Variants in CCDC178 observed in about 807,000 individuals in gnomAD.
The protein encoded by CCDC178 is coiled-coil domain containing 178, also known as coiled-coil domain-containing protein 178.
A neutral mutation model predicts 117.4 loss-of-function variants in CCDC178; 126 were observed. That is an observed-to-expected ratio of 1.07 (90% CI 0.93 to 1.24). The LOEUF (loss-of-function observed/expected upper bound fraction) is 1.24, where lower values mean the gene tolerates loss of function less well. Among genes scored for constraint, CCDC178 ranks in the 50% most tolerant of loss-of-function variants. The pLI is 0.00. For synonymous variants in CCDC178, 283 were observed against 313.4 expected, an observed-to-expected ratio of 0.90 and a Z score of 1.02; for missense variants, 1,030 against 986.9, an observed-to-expected ratio of 1.04 and a Z score of -0.59.
In CCDC178 at chr18:33,279,042, C is replaced by T. The variant is rs532868889; in HGVS notation, c.1177-11745G>A. 5.8e-3 allele frequency among the ~76,000 whole-genome samples: 888 copies of T among 152,122 alleles called. 6 individuals carry two copies. The highest frequency in any genetic ancestry group is 0.02 in the African/African-American group (846 of 41,468). ...TGGAAGCATTCCCTTTGAAAACTGG[C>T]ACAAGACAGGGATGCCCTCACTCAC... On this transcript the variant is annotated intron_variant, in intron 12 of 22. Transcript: ENST00000383096.
chr18:33,007,695 T>C (rs1483762336), intron 21 of CCDC178, among the ~76,000 whole-genome samples: 3 of 152,122 alleles, frequency 2.0e-5, no homozygotes, highest in African/African-American at 7.2e-5. Context: ...TACATACAAA[T>C]CAAGGCTATT....
At chr18:33,111,625 C>A (rs273038) in intron 20 of CCDC178, among the ~76,000 whole-genome samples, 1 of 151,522 alleles carries the variant, frequency 6.6e-6, no homozygotes. Flanking sequence ...CCATGGATAA[C>A]AGAAAAATAA....
intron 21 of CCDC178, among the ~76,000 whole-genome samples, chr18:33,000,530 C>T (rs181881425): frequency 2.0e-5 from 3 of 152,178 alleles, no homozygotes; most frequent in Admixed American, 6.5e-5. Context: ...AAGACTACCT[C>T]AAGACATTTA....
At chr18:33,071,409 G>T (rs1165286175) in intron 21 of CCDC178, among the ~76,000 whole-genome samples, 1 of 152,060 alleles carries the variant, frequency 6.6e-6, no homozygotes, top group African/African-American at 2.4e-5. Context: ...TTTTAAAGAG[G>T]TTAAATAATC....
At chr18:33,406,242 G>A (rs1349203694) in intron 3 of CCDC178, among the ~76,000 whole-genome samples, 2 of 152,036 alleles carry the variant, frequency 1.3e-5, no homozygotes, top group African/African-American at 4.8e-5. Flanking sequence ...ATCATCAATA[G>A]TTAAGTGAAC....
intron 20 of CCDC178, among the ~76,000 whole-genome samples, chr18:33,156,377 C>T (rs2058397103): frequency 6.6e-6 from 1 of 151,000 alleles, no homozygotes; most frequent in Non-Finnish European, 1.5e-5. Context: ...TGTGAGCCAC[C>T]GCACCCTGCT....
At chr18:33,242,754 T>C (rs891898179) in intron 15 of CCDC178, among the ~76,000 whole-genome samples, 1 of 151,578 alleles carries the variant, frequency 6.6e-6, no homozygotes, top group African/African-American at 2.4e-5. Context: ...TATGAAAAAA[T>C]AACAAATGCT....
At chr18:33,247,342 T>G (rs1022891891) in intron 14 of CCDC178, among the ~76,000 whole-genome samples, 11 of 151,672 alleles carry the variant, frequency 7.3e-5, no homozygotes, top group African/African-American at 2.7e-4. Flanking sequence ...AATCACTGAT[T>G]TTGTAAAAGG....
chr18:33,179,987 T>A (rs2144474195), intron 20 of CCDC178, among the ~76,000 whole-genome samples: 1 of 152,110 alleles, frequency 6.6e-6, no homozygotes, highest in South Asian at 2.1e-4. Flanking sequence ...CTGTTTTTTA[T>A]AACACCAAAT....
intron 14 of CCDC178, among the ~76,000 whole-genome samples, chr18:33,265,882 G>A (rs4630625): frequency 0.83 from 126,082 of 151,988 alleles, 53,104 homozygotes; most frequent in South Asian, 0.93. Flanking sequence ...GCTTGTACTA[G>A]ATTGTTGGTG....
rs78616631 is a variant in CCDC178, at chr18:33,360,329, T to C, written c.349-3983A>G. Among the ~76,000 whole-genome samples, 229 of 151,204 alleles carry C rather than the reference T, an allele frequency of 1.5e-3. 2 individuals are homozygous for C. The East Asian group carries it at 0.022, about 15-fold the overall frequency. ...ATGTTCATAGTAGCCCTCTGTACTA[T>C]AGACAAAGGGGAACAACCCAAATGA... On this transcript the variant is annotated intron_variant, in intron 6 of 22. Transcript: ENST00000383096.
At chr18:32,977,922 G>C (rs574855043) in intron 21 of CCDC178, among the ~76,000 whole-genome samples, 2 of 152,300 alleles carry the variant, frequency 1.3e-5, no homozygotes, top group South Asian at 4.1e-4. Context: ...GTAATGGAAA[G>C]ATGAGCTGTA....
chr18:33,174,091 G>A (rs1181227375), intron 20 of CCDC178, among the ~76,000 whole-genome samples: 4 of 152,148 alleles, frequency 2.6e-5, no homozygotes, highest in Admixed American at 6.5e-5. Flanking sequence ...CTGCTTCTGA[G>A]GAGGCCTCAG....
At chr18:33,046,794 A>G (rs1399095538) in intron 21 of CCDC178, among the ~76,000 whole-genome samples, 3 of 152,172 alleles carry the variant, frequency 2.0e-5, no homozygotes, top group Non-Finnish European at 2.9e-5. Flanking sequence ...GTGAACCCCT[A>G]GCAAACTACA....
At chr18:33,177,127 T>C (rs2058672671) in intron 20 of CCDC178, among the ~76,000 whole-genome samples, 1 of 152,110 alleles carries the variant, frequency 6.6e-6, no homozygotes, top group Non-Finnish European at 1.5e-5. Flanking sequence ...ACACCGCATG[T>C]TCTCACTCAT....
At chr18:33,304,199 C>T (rs1568130392) in intron 11 of CCDC178, among the ~76,000 whole-genome samples, 1 of 152,102 alleles carries the variant, frequency 6.6e-6, no homozygotes, top group South Asian at 2.1e-4. Flanking sequence ...TTCTGTGATC[C>T]CCTAGGTTCT....
chr18:32,981,718 C>A lies in CCDC178; in HGVS notation c.2389-7037G>T, dbSNP rs563296765. Among the ~76,000 whole-genome samples the A allele has an allele frequency of 4.6e-5, 7 of 152,142 alleles. No homozygotes were observed. The East Asian group carries it at 1.4e-3, about 29-fold the overall frequency. On this transcript the variant is annotated intron_variant, in intron 21 of 22. Coordinates refer to ENST00000383096, the MANE Select transcript of CCDC178 (RefSeq NM_001105528.4). Reference sequence around the variant, plus strand: ...TTTTGTACAATATTTTTGTTATATACCCACTAAATGTGATCTTACCTATAA... The same window carrying A: ...TTTTGTACAATATTTTTGTTATATAACCACTAAATGTGATCTTACCTATAA...
At chr18:33,149,748 A>C (rs1049250311) in intron 20 of CCDC178, among the ~76,000 whole-genome samples, 4 of 152,224 alleles carry the variant, frequency 2.6e-5, no homozygotes, top group Non-Finnish European at 5.9e-5. Flanking sequence ...ATTCTAAATA[A>C]TTGACTAAAC....
intron 20 of CCDC178, among the ~76,000 whole-genome samples, chr18:33,210,324 A>G (rs1370764861): frequency 6.6e-6 from 1 of 151,986 alleles, no homozygotes; most frequent in Non-Finnish European, 1.5e-5. Flanking sequence ...ATGAGACCAT[A>G]TAATGCTTCC....
Sources: gnomAD v4.1 joint callset for allele counts (sites outside exome capture counted in the v4.1 genomes callset) on GRCh38, gnomAD v4.1.1 for gene constraint, MANE v1.5 for transcripts, NCBI Gene and HGNC (gene_info 2026-07-23, HGNC 2026-07-21) for gene names.